The following COL26A1 variants were observed in gnomAD, a reference collection of about 807,000 sequenced individuals.
The protein encoded by COL26A1 is collagen type XXVI alpha 1 chain.
A neutral mutation model predicts 59.3 loss-of-function variants in COL26A1; 41 were observed. The ratio of observed to expected loss-of-function variants is 0.69; its 90% CI spans 0.54 to 0.90. The LOEUF (loss-of-function observed/expected upper bound fraction) is 0.90, where lower values mean the gene tolerates loss of function less well. Among genes scored for constraint, COL26A1 ranks in the 40% least tolerant of loss-of-function variants. The probability of loss-of-function intolerance (pLI) is 0.00; values close to 1 mark genes in which losing one functional copy is unlikely to be tolerated. For missense variants in COL26A1, 612 were observed against 602.3 expected (o/e 1.02, Z -0.17); for synonymous variants, 266 against 256.0 (o/e 1.04, Z -0.37).
chr7:101,489,820 T>G (rs868817323), intron 3 of COL26A1, among the ~76,000 whole-genome samples: 1 of 6,668 alleles, frequency 1.5e-4, no homozygotes, highest in African/African-American at 1.3e-3. Context: ...CTTTCTTTCT[T>G]TCTTTCTTTC....
chr7:101,388,025 A>G (rs1220080303), intron 1 of COL26A1, among the ~76,000 whole-genome samples: 1 of 151,028 alleles, frequency 6.6e-6, no homozygotes, highest in Non-Finnish European at 1.5e-5. Context: ...CAGCCTCCCA[A>G]AGTGCTGGGA....
chr7:101,482,109 C>T (rs1022809756), intron 3 of COL26A1, among the ~76,000 whole-genome samples: 8 of 152,068 alleles, frequency 5.3e-5, no homozygotes, highest in African/African-American at 7.2e-5. Flanking sequence ...CTCTGCCTCC[C>T]GGGTTTAAGC....
intron 3 of COL26A1, among the ~76,000 whole-genome samples, chr7:101,527,353 G>A (rs1395229230): frequency 2.0e-5 from 3 of 151,110 alleles, no homozygotes; most frequent in Admixed American, 6.6e-5. Flanking sequence ...TTTTGAGATG[G>A]AGTCTAGCTC....
At chr7:101,413,569 G>A (rs941670944) in intron 1 of COL26A1, among the ~76,000 whole-genome samples, 15 of 151,810 alleles carry the variant, frequency 9.9e-5, no homozygotes, top group African/African-American at 3.4e-4. Context: ...AAAGAAGAAA[G>A]AAAAGAAAAA....
At chr7:101,535,824 C>T (rs12539614) in intron 4 of COL26A1, among the ~76,000 whole-genome samples, 7,038 of 152,252 alleles carry the variant, frequency 0.046, 254 homozygotes, top group Admixed American at 0.075. Flanking sequence ...TCAGGCAGCT[C>T]TCGAGTGGGG....
At chr7:101,417,531 C>T (rs1248099021) in intron 1 of COL26A1, among the ~76,000 whole-genome samples, 4 of 147,512 alleles carry the variant, frequency 2.7e-5, no homozygotes, top group East Asian at 2.0e-4. Context: ...GACAGGGTCT[C>T]GCTCTGTCAC....
At position 101,466,837 on chromosome 7, in the gene COL26A1, T is replaced by TGTGTGTGTGA. The variant is rs764059657; in HGVS notation, c.385+19051_385+19052insTGTGTGTGAG. ...GTGTGTGTGTGTGTGTGTGTGTGTGTGAGAGAGAGAGATTCAGTCTCTGCC... is the reference window on the plus strand; with the variant it reads ...GTGTGTGTGTGTGTGTGTGTGTGTGTGTGTGTGTGAGAGAGAGAGAGATTCAGTCTCTGCC... On this transcript the variant is annotated intron_variant, in intron 3 of 12. Transcript: ENST00000313669. 7.8e-3 allele frequency among the ~76,000 whole-genome samples: 957 copies of TGTGTGTGTGA among 122,664 alleles called. 11 individuals are homozygous for TGTGTGTGTGA. The highest frequency in any genetic ancestry group is 0.019 in the African/African-American group (586 of 31,476). The allele number at this position is 122,664 out of a possible 152,430, so 80.5% of individuals were successfully genotyped here.
intron 10 of COL26A1, 140 bp from the exon 11 acceptor site, chr7:101,553,185 TC>T: frequency 4.5e-6 from 3 of 671,474 alleles, no homozygotes; most frequent in Admixed American, 5.4e-5. Context: ...AGGGCAGGAG[TC>T]CCCTGGGCCC....
At chr7:101,460,127 G>A (rs1000885747) in intron 3 of COL26A1, among the ~76,000 whole-genome samples, 8 of 152,082 alleles carry the variant, frequency 5.3e-5, no homozygotes, top group East Asian at 1.9e-4. Flanking sequence ...AAAATGAGCC[G>A]AGTGCATAGC....
intron 1 of COL26A1, among the ~76,000 whole-genome samples, chr7:101,385,248 TATACAC>T (rs1791539988): frequency 6.8e-6 from 1 of 148,110 alleles, no homozygotes; most frequent in Non-Finnish European, 1.5e-5. Context: ...TATATATATA[TATACAC>T]ACACACACAT....
rs1404553863 is a variant in COL26A1 at position 101,540,132 on chromosome 7, C to CACA, written c.604+84_604+86dup. On this transcript the variant is annotated intron_variant, in intron 5 of 12. Coordinates refer to ENST00000313669, the MANE Select transcript of COL26A1 (RefSeq NM_001278563.3). ...CCTCCCAGGGCCTCCCTAGAGAGGC[C>CACA]ACACACTAGACACTCTAGTTCCAAC... 5.0e-6 allele frequency: 7 copies of CACA among 1,390,232 alleles called. No homozygotes were observed. In the African/African-American group the frequency reaches 1.0e-4, roughly 20 times the overall value. 86.1% of individuals were successfully genotyped at this position (1,390,232 alleles called of 1,614,324 possible). A position where few individuals can be genotyped will look rare whatever the true frequency, so the allele number is the denominator to read the frequency against.
Position 101,429,589 on chromosome 7 carries a change from C to CTTTTTTTTTTTTTTTTTT in COL26A1, c.281+9494_281+9511dup, listed in dbSNP as rs58432413. Among the ~76,000 whole-genome samples, 81 of 78,676 alleles carry CTTTTTTTTTTTTTTTTTT rather than the reference C, an allele frequency of 1.0e-3. 1 individual carries two copies. Among genetic ancestry groups the CTTTTTTTTTTTTTTTTTT allele is most frequent in the African/African-American group, 2.3e-3 (44 of 19,370 alleles). The allele number at this position is 78,676 out of a possible 152,430, so 51.6% of individuals were successfully genotyped here. On this transcript the variant is annotated intron_variant, in intron 2 of 12. Coordinates refer to ENST00000313669, the MANE Select transcript of COL26A1 (RefSeq NM_001278563.3). ...ATTCTTTTTTTTCCTTTCTTTTTTA[C>CTTTTTTTTTTTTTTTTTT]TTTTTTTTTTTTTTTTTTTTTGAGA...
intron 3 of COL26A1, among the ~76,000 whole-genome samples, chr7:101,488,997 C>T (rs191452518): frequency 4.6e-5 from 7 of 152,248 alleles, no homozygotes; most frequent in Admixed American, 4.6e-4. Context: ...ACCTGTTTTG[C>T]GTCTATTTGT....
intron 3 of COL26A1, among the ~76,000 whole-genome samples, chr7:101,481,739 C>G (rs533325658): frequency 6.6e-6 from 1 of 152,160 alleles, no homozygotes; most frequent in South Asian, 2.1e-4. Flanking sequence ...GCATGAGCCA[C>G]CCCACCCGGC....
intron 3 of COL26A1, among the ~76,000 whole-genome samples, chr7:101,475,601 C>T (rs778012179): frequency 5.3e-5 from 8 of 151,608 alleles, no homozygotes; most frequent in Admixed American, 3.3e-4. Flanking sequence ...GGGCTGGACG[C>T]GAGTGTGTGT....
chr7:101,513,562 C>G (rs1307336422), intron 3 of COL26A1, among the ~76,000 whole-genome samples: 3 of 152,028 alleles, frequency 2.0e-5, no homozygotes, highest in Non-Finnish European at 4.4e-5. Context: ...CCAGGCTGGT[C>G]TCAAGCTCTT....
At chr7:101,451,731 GTCTCGC>G (rs1793344926) in intron 3 of COL26A1, among the ~76,000 whole-genome samples, 1 of 144,044 alleles carries the variant, frequency 6.9e-6, no homozygotes, top group African/African-American at 2.7e-5. Flanking sequence ...TTTTGACGGA[GTCTCGC>G]TCTGTTGCCC....
chr7:101,498,011 G>C (rs1232946123), intron 3 of COL26A1, among the ~76,000 whole-genome samples: 1 of 152,154 alleles, frequency 6.6e-6, no homozygotes, highest in Admixed American at 6.6e-5. Flanking sequence ...GCCAAGTAGT[G>C]GAGGTTGGCT....
At chr7:101,509,648 G>A (rs1221421438) in intron 3 of COL26A1, among the ~76,000 whole-genome samples, 1 of 152,126 alleles carries the variant, frequency 6.6e-6, no homozygotes, top group African/African-American at 2.4e-5. Context: ...CCCCCAGAAT[G>A]GTCTAGGCCC....
Sources: allele counts gnomAD v4.1 joint callset (sites outside exome capture counted in the v4.1 genomes callset), GRCh38; gene constraint gnomAD v4.1.1; transcripts MANE v1.5; gene names NCBI Gene and HGNC (gene_info 2026-07-23, HGNC 2026-07-21).